Variants in SYNE2 observed in about 807,000 individuals in gnomAD.
SYNE2 encodes nesprin-2.
SYNE2 carries 431 observed loss-of-function variants against 856.3 expected under a neutral mutation model. The observed-to-expected ratio is 0.50, with a 90% CI of 0.47 to 0.55. The LOEUF (loss-of-function observed/expected upper bound fraction) is 0.55, where lower values mean the gene tolerates loss of function less well. SYNE2 is among the 20% of genes least tolerant of loss of function. SYNE2 has a pLI of 0.00. For synonymous variants in SYNE2, 2,923 were observed against 2,872.3 expected (o/e 1.02, Z -0.56); for missense variants, 8,129 against 8,023.2 (o/e 1.01, Z -0.50).
chr14:64,175,762 T>C (rs1209104813), intron 95 of SYNE2, among the ~76,000 whole-genome samples: 3 of 152,190 alleles, frequency 2.0e-5, no homozygotes, highest in African/African-American at 7.2e-5. Flanking sequence ...TAGCCCACTC[T>C]CTCTAGTCTG....
In SYNE2 at chr14:64,224,428, T is replaced by G. The variant is rs752429382; in HGVS notation, c.20383-33T>G. 1.9e-6 allele frequency: 3 copies of G among 1,600,894 alleles called. No individual in the cohort carries two copies. In the South Asian group the frequency reaches 3.3e-5, roughly 18 times the overall value. The stretch of plus-strand genomic sequence containing the variant: ...CATGAAGAATATGCATGAAACACAT[T>G]TCTGTGCTCAACCTTTGGGGTCTGA... On this transcript the variant is annotated intron_variant, in intron 113 of 115. Transcript: ENST00000555002.
Position 64,225,455 on chromosome 14 carries a change from A to T in SYNE2, c.20653A>T (p.Thr6885Ser). ...CTCCTCCGAAGAAGACTACAGCTGC[A>T]CTCAGGCCAACAACTTTGCCCGGTC... The part of the protein sequence containing the change: ...LPSSEEDYSC[T>S]QANNFARSFY... Residue 6885 changes from threonine (T) to serine (S), a missense_variant, in exon 116 of 116, where the codon ACT (threonine) becomes TCT (serine). By Grantham distance (58) the Thr-to-Ser change is moderately conservative. Transcript: ENST00000555002. 6.2e-7 allele frequency: 1 copy of T among 1,614,096 alleles called. No homozygotes were observed. The highest frequency in any genetic ancestry group is 8.5e-7 in the Non-Finnish European group (1 of 1,180,004).
At chr14:63,833,352 C>T (rs1433536038) in intron 1 of SYNE2, among the ~76,000 whole-genome samples, 1 of 152,074 alleles carries the variant, frequency 6.6e-6, no homozygotes, top group African/African-American at 2.4e-5. Flanking sequence ...GAATACAAAT[C>T]TATAGTGCTT....
Position 63,939,366 on chromosome 14 carries a change from G to A in SYNE2, c.80-1248G>A, listed in dbSNP as rs543643750. On this transcript the variant is annotated intron_variant, in intron 2 of 115. Coordinates refer to ENST00000555002, the MANE Select transcript of SYNE2 (RefSeq NM_182914.3). ...TTTTTTCTTTTTTTTTTTTTTTTTT[G>A]AGACGAAGTCTCGCATTGTCACCCA... 8.7e-3 allele frequency among the ~76,000 whole-genome samples: 408 copies of A among 46,946 alleles called. 4 individuals carry two copies. The highest frequency in any genetic ancestry group is 0.073 in the South Asian group (111 of 1,518). The allele number at this position is 46,946 out of a possible 152,430, so 30.8% of individuals were successfully genotyped here. A position where few individuals can be genotyped will look rare whatever the true frequency, so the allele number is the denominator to read the frequency against.
intron 1 of SYNE2, among the ~76,000 whole-genome samples, chr14:63,890,946 G>C (rs1370293291): frequency 6.6e-6 from 1 of 152,174 alleles, no homozygotes; most frequent in Non-Finnish European, 1.5e-5. Flanking sequence ...GCACCCCAGT[G>C]CCTGATATAG....
chr14:64,222,134 A>G (rs2098697290), intron 112 of SYNE2, among the ~76,000 whole-genome samples: 1 of 152,194 alleles, frequency 6.6e-6, no homozygotes, highest in Non-Finnish European at 1.5e-5. Flanking sequence ...ATTTGTCACT[A>G]ACACACCAAG....
chr14:63,919,098 C>A (rs1182258805), intron 2 of SYNE2, among the ~76,000 whole-genome samples: 1 of 152,190 alleles, frequency 6.6e-6, no homozygotes, highest in Admixed American at 6.5e-5. Context: ...AAACTGCTCT[C>A]TGATTCATTC....
At position 64,209,583 on chromosome 14, in the gene SYNE2, A is replaced by G. The variant is rs2098629279; in HGVS notation, c.18540+5A>G. The G allele has an allele frequency of 6.2e-7, 1 of 1,613,960 alleles. No homozygotes were observed. Among genetic ancestry groups the G allele is most frequent in the Non-Finnish European group, 8.5e-7 (1 of 1,180,032 alleles). On this transcript the variant is annotated splice_donor_5th_base_variant and intron_variant, in intron 102 of 115. Coordinates refer to ENST00000555002, the MANE Select transcript of SYNE2 (RefSeq NM_182914.3). ...GAGGAACTGAAGAGGTTTGAGGTAA[A>G]CACCTTCTCCATCCCGGTCTCCTGA...
At chr14:64,170,607 C>G in intron 94 of SYNE2, 145 bp downstream of exon 94, 1 of 791,072 alleles carries the variant, frequency 1.3e-6, no homozygotes. Flanking sequence ...GCAGTCACCA[C>G]CCCCCACAGC....
rs564373264 is a variant in SYNE2 at position 63,795,673 on chromosome 14, C to A, written c.-305+33687C>A. The stretch of plus-strand genomic sequence containing the variant: ...TTGGCCTCCCAAAATGCTGAGATTA[C>A]AAGCATGAGCCACTGTGCCCAGCAA... On this transcript the variant is annotated intron_variant, in intron 1 of 23. Coordinates refer to the SYNE2 transcript ENST00000674003. Among the ~76,000 whole-genome samples, 5 of 152,204 alleles carry A rather than the reference C, an allele frequency of 3.3e-5. No individual in the cohort carries two copies. In the East Asian group the frequency reaches 7.7e-4, roughly 24 times the overall value.
At chr14:63,865,419 A>G (rs1230298477) in intron 1 of SYNE2, among the ~76,000 whole-genome samples, 1 of 151,082 alleles carries the variant, frequency 6.6e-6, no homozygotes, top group East Asian at 1.9e-4. Flanking sequence ...AGCATTTGCC[A>G]TTTGAGCTGA....
At position 64,024,966 on chromosome 14, in the gene SYNE2, A is replaced by G. The variant is rs2096966269; in HGVS notation, c.5895A>G (p.Lys1965=). 3 of 1,614,054 alleles carry G rather than the reference A, an allele frequency of 1.9e-6. No homozygotes were observed. In the East Asian group the frequency reaches 6.7e-5, roughly 36 times the overall value. ...LRKWLTNQEE[K]WKGMEEPGEK... ...AGTGGTTGACTAATCAAGAAGAGAA[A>G]TGGAAAGGAATGGAAGAACCAGGGG... is the stretch of plus-strand genomic sequence containing the variant. Residue 1965 remains lysine (K), a synonymous_variant, in exon 40 of 116, where the codon AAA becomes AAG. Transcript: ENST00000555002.
At chr14:63,788,981 T>C (rs145035769) in intron 1 of SYNE2, among the ~76,000 whole-genome samples, 120 of 152,244 alleles carry the variant, frequency 7.9e-4, no homozygotes, top group African/African-American at 2.6e-3. Context: ...AACAGATAAA[T>C]AGATAAAGAA....
chr14:64,137,990 C>G lies in SYNE2; in HGVS notation c.14843+7C>G. The G allele has an allele frequency of 6.2e-7, 1 of 1,611,918 alleles. No homozygotes were observed. ...TTCTCAAGCATCTGCTCAGGTCAGCCTTTTTGGGGGTGGATTGGCTTCATA... is the reference window on the plus strand; with the variant it reads ...TTCTCAAGCATCTGCTCAGGTCAGCGTTTTTGGGGGTGGATTGGCTTCATA... On this transcript the variant is annotated splice_region_variant and intron_variant, in intron 79 of 115. Transcript: ENST00000555002.
chr14:63,879,315 C>G (rs1279131703), intron 1 of SYNE2, among the ~76,000 whole-genome samples: 1 of 152,174 alleles, frequency 6.6e-6, no homozygotes, highest in Non-Finnish European at 1.5e-5. Context: ...AGACTTGACC[C>G]TCTGAAAATT....
At chr14:64,130,759 C>T (rs918966407) in intron 76 of SYNE2, among the ~76,000 whole-genome samples, 2 of 151,946 alleles carry the variant, frequency 1.3e-5, no homozygotes, top group Non-Finnish European at 2.9e-5. Flanking sequence ...GTGGCAGGCA[C>T]CTGTAATCCC....
At chr14:64,131,324 A>T (rs986976320) in intron 76 of SYNE2, among the ~76,000 whole-genome samples, 2 of 152,200 alleles carry the variant, frequency 1.3e-5, no homozygotes, top group Non-Finnish European at 2.9e-5. Flanking sequence ...ATGGAGAAGA[A>T]CCATGTGAAA....
intron 1 of SYNE2, among the ~76,000 whole-genome samples, chr14:63,889,123 C>T (rs1356199391): frequency 1.4e-5 from 2 of 145,956 alleles, no homozygotes; most frequent in Non-Finnish European, 3.0e-5. Flanking sequence ...TCACTGGTGG[C>T]ATTTGGATGG....
chr14:64,124,108 G>A (rs1246935456), intron 70 of SYNE2, among the ~76,000 whole-genome samples: 1 of 152,082 alleles, frequency 6.6e-6, no homozygotes. Context: ...GGGAGGCTGA[G>A]GCAGGAAAAT....
Sources: allele counts gnomAD v4.1 joint callset (sites outside exome capture counted in the v4.1 genomes callset), GRCh38; gene constraint gnomAD v4.1.1; transcripts MANE v1.5; gene names NCBI Gene and HGNC (gene_info 2026-07-23, HGNC 2026-07-21).